PTPRT: variants seen among roughly 807,000 people sequenced by gnomAD.
PTPRT encodes the protein receptor-type tyrosine-protein phosphatase T.
Under a neutral mutation model 176.8 loss-of-function variants are expected in PTPRT, and 56 were observed. The observed-to-expected ratio is 0.32, with a 90% confidence interval of 0.26 to 0.40. The LOEUF (loss-of-function observed/expected upper bound fraction) is 0.40. Ranked by LOEUF, PTPRT falls within the 10% of genes least tolerant of loss-of-function variation. The pLI is 1.00. For synonymous variants in PTPRT, 783 were observed against 739.0 expected (o/e 1.06, Z -0.96); for missense variants, 1,540 against 1,908.2 (o/e 0.81, Z 3.60).
At chr20:42,804,581 C>G (rs537274799) in intron 2 of PTPRT, among the ~76,000 whole-genome samples, 2 of 152,342 alleles carry the variant, frequency 1.3e-5, no homozygotes, top group Admixed American at 6.5e-5. Context: ...CTGAAGCCGC[C>G]ATAACAAAGA....
At chr20:42,936,515 G>A (rs1337233894) in intron 1 of PTPRT, among the ~76,000 whole-genome samples, 1 of 152,194 alleles carries the variant, frequency 6.6e-6, no homozygotes, top group African/African-American at 2.4e-5. Context: ...CTACTGGTGG[G>A]GGGTGGCCTG....
intron 7 of PTPRT, among the ~76,000 whole-genome samples, chr20:42,473,609 G>A (rs1256340318): frequency 2.0e-5 from 3 of 152,116 alleles, no homozygotes; most frequent in African/African-American, 7.2e-5. Flanking sequence ...AGCCTCACAT[G>A]TAGGTGGGCC....
intron 27 of PTPRT, among the ~76,000 whole-genome samples, chr20:42,087,086 G>A (rs1313583815): frequency 2.6e-5 from 4 of 151,412 alleles, no homozygotes; most frequent in East Asian, 2.0e-4. Flanking sequence ...TCACACCTGC[G>A]GGTTGCTATG....
intron 21 of PTPRT, among the ~76,000 whole-genome samples, chr20:42,117,955 T>C (rs1466247832): frequency 2.0e-5 from 3 of 152,212 alleles, no homozygotes; most frequent in African/African-American, 7.2e-5. Context: ...CCAGGCACTA[T>C]GCTTGCCTTT....
intron 1 of PTPRT, among the ~76,000 whole-genome samples, chr20:43,122,875 T>A (rs2013318251): frequency 6.6e-6 from 1 of 152,168 alleles, no homozygotes; most frequent in African/African-American, 2.4e-5. Context: ...GTTTTTGAGA[T>A]GGAGTTTCGG....
At chr20:42,130,574 G>C (rs1988078384) in intron 18 of PTPRT, among the ~76,000 whole-genome samples, 1 of 152,202 alleles carries the variant, frequency 6.6e-6, no homozygotes, top group Admixed American at 6.5e-5. Context: ...TAGAGTGGGA[G>C]AAGGTAAGGA....
chr20:42,904,946 C>T (rs2079454767), intron 1 of PTPRT, among the ~76,000 whole-genome samples: 1 of 152,146 alleles, frequency 6.6e-6, no homozygotes, highest in South Asian at 2.1e-4. Context: ...AAATGTTAGA[C>T]CTAAAACCAT....
intron 7 of PTPRT, among the ~76,000 whole-genome samples, chr20:42,657,755 T>C (rs1022271041): frequency 6.6e-6 from 1 of 152,138 alleles, no homozygotes; most frequent in African/African-American, 2.4e-5. Context: ...AGGGACAACC[T>C]TGCTCCCTCA....
chr20:42,166,928 A>C (rs1989850184), intron 16 of PTPRT, among the ~76,000 whole-genome samples: 1 of 151,976 alleles, frequency 6.6e-6, no homozygotes, highest in African/African-American at 2.4e-5. Context: ...TCTTAGAAAA[A>C]AAAAAAAGGG....
At chr20:42,091,858 G>C (rs1984655573) in intron 27 of PTPRT, among the ~76,000 whole-genome samples, 1 of 152,122 alleles carries the variant, frequency 6.6e-6, no homozygotes, top group African/African-American at 2.4e-5. Context: ...CCTTCCAGTA[G>C]TCCCATGAAG....
At chr20:42,470,274 C>A (rs1011236407) in intron 8 of PTPRT, among the ~76,000 whole-genome samples, 2 of 152,200 alleles carry the variant, frequency 1.3e-5, no homozygotes, top group African/African-American at 4.8e-5. Flanking sequence ...CCATCCCAGA[C>A]CCTAACTGTT....
chr20:42,068,593 C>T (rs1407466708), downstream of PTPRT, among the ~76,000 whole-genome samples: 1 of 152,204 alleles, frequency 6.6e-6, no homozygotes, highest in Admixed American at 6.5e-5. Context: ...TACAGACCAT[C>T]TGGAGCAGGC....
intron 1 of PTPRT, among the ~76,000 whole-genome samples, chr20:43,155,645 G>A (rs1243664886): frequency 5.9e-5 from 9 of 152,130 alleles, no homozygotes; most frequent in Admixed American, 5.9e-4. Flanking sequence ...ATGATAAATT[G>A]TATTCTTGAA....
intron 2 of PTPRT, among the ~76,000 whole-genome samples, chr20:42,844,069 A>G (rs2078326356): frequency 6.6e-6 from 1 of 152,242 alleles, no homozygotes; most frequent in Non-Finnish European, 1.5e-5. Context: ...TGGGAACAAC[A>G]TTTACGCAGG....
intron 1 of PTPRT, among the ~76,000 whole-genome samples, chr20:43,096,736 G>A (rs1024850923): frequency 6.6e-6 from 1 of 152,226 alleles, no homozygotes. Flanking sequence ...GGAGAGGGCT[G>A]GAATCTAGTG....
chr20:43,129,613 CTTTTTTTTT>C (rs869293740), intron 1 of PTPRT, among the ~76,000 whole-genome samples: 11 of 87,296 alleles, frequency 1.3e-4, no homozygotes, highest in Non-Finnish European at 1.4e-4. Flanking sequence ...CCAAAGAGTT[CTTTTTTTTT>C]TTTTTTTTTT....
At chr20:42,624,004 G>A (rs2074245635) in intron 7 of PTPRT, among the ~76,000 whole-genome samples, 1 of 97,810 alleles carries the variant, frequency 1.0e-5, no homozygotes, top group African/African-American at 6.8e-5. Context: ...CAAAACAATA[G>A]CAACAAACAA....
intron 6 of PTPRT, among the ~76,000 whole-genome samples, chr20:42,750,759 T>C (rs1378381918): frequency 6.6e-6 from 1 of 152,180 alleles, no homozygotes; most frequent in Non-Finnish European, 1.5e-5. Context: ...ATAACTTTGG[T>C]TGCAGACACT....
chr20:42,603,914 C>T (rs898275425), intron 7 of PTPRT, among the ~76,000 whole-genome samples: 1 of 152,188 alleles, frequency 6.6e-6, no homozygotes, highest in Non-Finnish European at 1.5e-5. Context: ...CCTGGGGCTC[C>T]CTTAGAAAAT....
Sources: gnomAD v4.1 joint callset for allele counts (sites outside exome capture counted in the v4.1 genomes callset) on GRCh38, gnomAD v4.1.1 for gene constraint, MANE v1.5 for transcripts, NCBI Gene and HGNC (gene_info 2026-07-23, HGNC 2026-07-21) for gene names.